The following BZW2 variants were observed in gnomAD, a reference collection of about 807,000 sequenced individuals.
The protein encoded by BZW2 is eIF5-mimic protein 1.
Under a neutral mutation model 53.2 loss-of-function variants are expected in BZW2, and 23 were observed. The ratio of observed to expected loss-of-function variants is 0.43; its 90% CI spans 0.31 to 0.61. The LOEUF is 0.61. Among genes scored for constraint, BZW2 ranks in the 20% least tolerant of loss-of-function variants. The pLI is 0.09. For missense variants in BZW2, 409 were observed against 503.1 expected (o/e 0.81, Z 1.79); for synonymous variants, 227 against 186.4 (o/e 1.22, Z -1.77).
At position 16,665,513 on chromosome 7, in the gene BZW2, G is replaced by T; in HGVS notation, c.58+12G>T. The stretch of plus-strand genomic sequence containing the variant: ...AACTCGGAAAAGGGGTAGGTTGTGT[G>T]TGTGTGTGTGTGTGTGTTTAAAGTT... On this transcript the variant is annotated intron_variant, in intron 2 of 11. Transcript: ENST00000258761. 2 of 1,603,018 alleles carry T rather than the reference G, an allele frequency of 1.2e-6. No homozygotes were observed. Among genetic ancestry groups the T allele is most frequent in the South Asian group, 2.2e-5 (2 of 90,706 alleles).
At chr7:16,664,910 A>G (rs1168679398) in intron 1 of BZW2, among the ~76,000 whole-genome samples, 2 of 152,334 alleles carry the variant, frequency 1.3e-5, no homozygotes, top group East Asian at 3.9e-4. Context: ...TAACCTTTAC[A>G]TCAAAGTTGG....
chr7:16,664,275 G>T (rs1404537309), intron 1 of BZW2, among the ~76,000 whole-genome samples: 1 of 152,210 alleles, frequency 6.6e-6, no homozygotes, highest in Non-Finnish European at 1.5e-5. Flanking sequence ...CTCATGGAGG[G>T]TATAGACCCC....
At chr7:16,672,713 GT>G (rs1255814984) in intron 2 of BZW2, among the ~76,000 whole-genome samples, 1 of 152,052 alleles carries the variant, frequency 6.6e-6, no homozygotes, top group East Asian at 1.9e-4. Context: ...CTGACATGTG[GT>G]TTGTCATCTT....
chr7:16,646,637 C>T (rs1256931427), intron 1 of BZW2, among the ~76,000 whole-genome samples: 1 of 152,126 alleles, frequency 6.6e-6, no homozygotes, highest in Non-Finnish European at 1.5e-5. Flanking sequence ...AGGCTGGGGC[C>T]GGGGCTCTGG....
chr7:16,670,219 A>T (rs895167213), intron 2 of BZW2, among the ~76,000 whole-genome samples: 1 of 152,202 alleles, frequency 6.6e-6, no homozygotes, highest in African/African-American at 2.4e-5. Flanking sequence ...TCACTGTTGA[A>T]ATATCCTTGG....
intron 3 of BZW2, among the ~76,000 whole-genome samples, chr7:16,677,105 C>T (rs1040456595): frequency 5.4e-5 from 8 of 148,430 alleles, no homozygotes; most frequent in African/African-American, 7.5e-5. Flanking sequence ...AAACAGAGCT[C>T]CCATACAAAG....
At chr7:16,704,836 C>T (rs577162084) in intron 11 of BZW2, among the ~76,000 whole-genome samples, 167 bp downstream of exon 11, 31 of 152,010 alleles carry the variant, frequency 2.0e-4, no homozygotes, top group Non-Finnish European at 3.7e-4. Context: ...TCTGAAATCA[C>T]GGCAATAAAA....
intron 1 of BZW2, among the ~76,000 whole-genome samples, chr7:16,655,813 C>G (rs766596692): frequency 6.6e-6 from 1 of 152,114 alleles, no homozygotes; most frequent in Non-Finnish European, 1.5e-5. Flanking sequence ...AGCCACCATG[C>G]CATGCCCTAA....
intron 8 of BZW2, chr7:16,695,770 C>T (rs1362224875): frequency 6.6e-6 from 1 of 152,192 alleles, no homozygotes; most frequent in Non-Finnish European, 1.5e-5. Flanking sequence ...GCTCCAAGCC[C>T]TGCTTGGCAG....
chr7:16,662,478 GT>G (rs1363433156), intron 1 of BZW2, among the ~76,000 whole-genome samples: 1 of 152,064 alleles, frequency 6.6e-6, no homozygotes, highest in Admixed American at 6.6e-5. Flanking sequence ...CATATGCTGT[GT>G]TTGGTGGTAC....
intron 1 of BZW2, among the ~76,000 whole-genome samples, chr7:16,654,889 G>C (rs950845188): frequency 2.0e-5 from 3 of 152,076 alleles, no homozygotes; most frequent in East Asian, 1.9e-4. Context: ...CTGAAAGTTA[G>C]ACTGATAGAT....
chr7:16,652,986 C>G (rs140745028), intron 1 of BZW2, among the ~76,000 whole-genome samples: 2 of 152,252 alleles, frequency 1.3e-5, no homozygotes, highest in East Asian at 3.9e-4. Context: ...GCATTTCTAT[C>G]CAGTTCATGC....
chr7:16,679,045 G>T (rs1782858325), intron 3 of BZW2, among the ~76,000 whole-genome samples: 1 of 152,124 alleles, frequency 6.6e-6, no homozygotes, highest in African/African-American at 2.4e-5. Flanking sequence ...CACTGTCATT[G>T]ATAAATATCT....
At chr7:16,660,751 G>A (rs1391727735) in intron 1 of BZW2, among the ~76,000 whole-genome samples, 2 of 152,150 alleles carry the variant, frequency 1.3e-5, no homozygotes, top group Non-Finnish European at 2.9e-5. Context: ...CAAGGGATCA[G>A]TAGTGGCTAC....
intron 1 of BZW2, among the ~76,000 whole-genome samples, chr7:16,651,012 GTTTT>G (rs1323190559): frequency 6.6e-6 from 1 of 152,082 alleles, no homozygotes; most frequent in Non-Finnish European, 1.5e-5. Context: ...TTCCATTGAT[GTTTT>G]TTAAGTTTAT....
At chr7:16,678,445 A>G (rs1399556681) in intron 3 of BZW2, among the ~76,000 whole-genome samples, 3 of 152,232 alleles carry the variant, frequency 2.0e-5, no homozygotes, top group African/African-American at 7.2e-5. Context: ...TGAGAAAAAC[A>G]GCAGTCACTC....
intron 2 of BZW2, among the ~76,000 whole-genome samples, chr7:16,672,986 C>T (rs967671851): frequency 4.6e-5 from 7 of 151,790 alleles, no homozygotes; most frequent in Non-Finnish European, 8.8e-5. Flanking sequence ...CGCTCTGTCA[C>T]CCAGGCTGGA....
chr7:16,686,725 TAA>T (rs1332771656), intron 6 of BZW2: 2 of 152,260 alleles, frequency 1.3e-5, no homozygotes, highest in Non-Finnish European at 1.5e-5. Flanking sequence ...TCTGAGAACT[TAA>T]AGTTTTCCTC....
At chr7:16,654,594 G>A (rs1390261990) in intron 1 of BZW2, among the ~76,000 whole-genome samples, 1 of 150,152 alleles carries the variant, frequency 6.7e-6, no homozygotes, top group East Asian at 2.0e-4. Flanking sequence ...TGATACAGTG[G>A]CATGATCTTG....
Sources: allele counts gnomAD v4.1 joint callset (sites outside exome capture counted in the v4.1 genomes callset), GRCh38; gene constraint gnomAD v4.1.1; transcripts MANE v1.5; gene names NCBI Gene and HGNC (gene_info 2026-07-23, HGNC 2026-07-21).